VAT1L: variants seen among roughly 807,000 people sequenced by gnomAD.
The protein encoded by VAT1L is vesicle amine transport 1 like, also known as putative NADPH-dependent quinone oxidoreductase VAT1L.
A neutral mutation model predicts 44.1 loss-of-function variants in VAT1L; 34 were observed. The observed-to-expected ratio is 0.77, with a 90% CI of 0.59 to 1.03. VAT1L has a LOEUF of 1.03. Among genes scored for constraint, VAT1L ranks in the 50% least tolerant of loss-of-function variants. VAT1L has a pLI of 0.00. For synonymous variants in VAT1L, 253 were observed against 202.2 expected (o/e 1.25, Z -2.13); for missense variants, 615 against 538.8 (o/e 1.14, Z -1.40).
At chr16:77,971,786 C>A (rs187625521) in intron 7 of VAT1L, 64 bp from the exon 8 acceptor site, 1 of 1,534,364 alleles carries the variant, frequency 6.5e-7, no homozygotes, top group Non-Finnish European at 8.9e-7. Flanking sequence ...GTTCTCCAGG[C>A]CCCCTTTTTA....
At chr16:77,810,200 C>T (rs1422962002) in intron 1 of VAT1L, among the ~76,000 whole-genome samples, 2 of 152,126 alleles carry the variant, frequency 1.3e-5, no homozygotes, top group Non-Finnish European at 2.9e-5. Flanking sequence ...TAGCAAAAGA[C>T]TTGAATTAGC....
chr16:77,871,256 C>A (rs1342036313), intron 4 of VAT1L, among the ~76,000 whole-genome samples: 1 of 152,060 alleles, frequency 6.6e-6, no homozygotes, highest in Non-Finnish European at 1.5e-5. Flanking sequence ...CACCACTGAC[C>A]TTCAAAAGGA....
intron 7 of VAT1L, among the ~76,000 whole-genome samples, chr16:77,919,958 C>T (rs2017594247): frequency 6.6e-6 from 1 of 152,042 alleles, no homozygotes; most frequent in South Asian, 2.1e-4. Context: ...GTGGTGGGTG[C>T]CTGTAATCCC....
At chr16:77,953,530 CTTTTT>C (rs200521189) in intron 7 of VAT1L, among the ~76,000 whole-genome samples, 2,354 of 152,106 alleles carry the variant, frequency 0.015, 30 homozygotes, top group South Asian at 0.027. Context: ...ATTTACATTT[CTTTTT>C]GTTTGGTTTT....
intron 7 of VAT1L, among the ~76,000 whole-genome samples, chr16:77,932,291 G>C (rs939638601): frequency 6.6e-5 from 10 of 151,804 alleles, no homozygotes; most frequent in African/African-American, 2.4e-4. Flanking sequence ...TTTTTTAGTA[G>C]AGACGGGGTT....
At chr16:77,820,437 G>A (rs17717415) in intron 2 of VAT1L, among the ~76,000 whole-genome samples, 12,534 of 152,236 alleles carry the variant, frequency 0.082, 701 homozygotes, top group East Asian at 0.23. Flanking sequence ...GAAAAGGAAA[G>A]CTCATCGATG....
intron 7 of VAT1L, among the ~76,000 whole-genome samples, chr16:77,943,900 T>C (rs1031829760): frequency 3.3e-5 from 5 of 152,136 alleles, no homozygotes; most frequent in Admixed American, 6.5e-5. Context: ...CACGTGAGCA[T>C]TGTTTAAAGG....
chr16:77,911,152 C>T (rs756625335), intron 7 of VAT1L, among the ~76,000 whole-genome samples: 5 of 152,208 alleles, frequency 3.3e-5, no homozygotes, highest in Non-Finnish European at 7.3e-5. Context: ...AACCAGAATC[C>T]TAGCTGATTC....
At chr16:77,866,636 C>G (rs545166220) in intron 4 of VAT1L, among the ~76,000 whole-genome samples, 10 of 151,382 alleles carry the variant, frequency 6.6e-5, no homozygotes, top group Non-Finnish European at 1.0e-4. Flanking sequence ...GATAAAATTT[C>G]TTGAGATGAA....
intron 7 of VAT1L, among the ~76,000 whole-genome samples, chr16:77,923,147 A>G (rs989807262): frequency 6.6e-6 from 1 of 152,114 alleles, no homozygotes; most frequent in Non-Finnish European, 1.5e-5. Context: ...AATTCTGAAC[A>G]TCCGTTAAAA....
chr16:77,814,983 A>G (rs1483644573), intron 1 of VAT1L, among the ~76,000 whole-genome samples: 2 of 152,196 alleles, frequency 1.3e-5, no homozygotes, highest in Admixed American at 6.5e-5. Flanking sequence ...TTAATTTTCA[A>G]TGACAGCCCT....
intron 2 of VAT1L, among the ~76,000 whole-genome samples, chr16:77,824,864 T>C (rs1046514726): frequency 2.6e-5 from 1 of 37,800 alleles, no homozygotes; most frequent in Admixed American, 3.0e-4. Flanking sequence ...CAATAATGCT[T>C]TTTTTTTTTT....
At chr16:77,790,485 CGGA>C (rs2015813857) in intron 1 of VAT1L, among the ~76,000 whole-genome samples, 1 of 152,050 alleles carries the variant, frequency 6.6e-6, no homozygotes, top group South Asian at 2.1e-4. Flanking sequence ...GGAAAGAGCT[CGGA>C]GGAGGATTGT....
intron 7 of VAT1L, among the ~76,000 whole-genome samples, chr16:77,898,110 C>G (rs1191920519): frequency 6.6e-6 from 1 of 152,286 alleles, no homozygotes; most frequent in South Asian, 2.1e-4. Flanking sequence ...AGCACATCAC[C>G]TCTATCTCTG....
intron 4 of VAT1L, among the ~76,000 whole-genome samples, chr16:77,869,377 C>G (rs1345868527): frequency 4.6e-5 from 7 of 152,198 alleles, no homozygotes; most frequent in Admixed American, 4.6e-4. Flanking sequence ...CCATTGAGTA[C>G]AAAGCCACTC....
At chr16:77,855,429 T>G (rs2016848358) in intron 3 of VAT1L, among the ~76,000 whole-genome samples, 2 of 151,568 alleles carry the variant, frequency 1.3e-5, no homozygotes. Flanking sequence ...TGACCACAGG[T>G]GAGTCCTTTC....
intron 1 of VAT1L, among the ~76,000 whole-genome samples, chr16:77,792,240 A>T (rs1292147877): frequency 6.6e-6 from 1 of 152,132 alleles, no homozygotes; most frequent in African/African-American, 2.4e-5. Flanking sequence ...GTGACCTACA[A>T]CTTGGAGGCC....
At chr16:77,798,395 TAA>T (rs1265499236) in intron 1 of VAT1L, among the ~76,000 whole-genome samples, 5 of 152,216 alleles carry the variant, frequency 3.3e-5, no homozygotes, top group African/African-American at 1.2e-4. Flanking sequence ...GAAAAATGAT[TAA>T]GTCTTTTGAA....
At chr16:77,923,388 T>C (rs2017633209) in intron 7 of VAT1L, among the ~76,000 whole-genome samples, 1 of 152,178 alleles carries the variant, frequency 6.6e-6, no homozygotes, top group Non-Finnish European at 1.5e-5. Flanking sequence ...AGGCAGAGGT[T>C]GCAGTGAGCC....
Sources: gnomAD v4.1 joint callset for allele counts (sites outside exome capture counted in the v4.1 genomes callset) on GRCh38, gnomAD v4.1.1 for gene constraint, MANE v1.5 for transcripts, NCBI Gene and HGNC (gene_info 2026-07-23, HGNC 2026-07-21) for gene names.